Variants in MYBPC1 observed in about 807,000 individuals in gnomAD.
MYBPC1 encodes the protein myosin binding protein C1, also known as myosin-binding protein C, slow-type.
MYBPC1 carries 52 observed loss-of-function variants against 147.1 expected under a neutral mutation model. The ratio of observed to expected loss-of-function variants is 0.35; its 90% confidence interval spans 0.28 to 0.45. The LOEUF (loss-of-function observed/expected upper bound fraction) is 0.45. Ranked by LOEUF, MYBPC1 falls within the 20% of genes least tolerant of loss-of-function variation. The pLI is 1.00. For missense variants in MYBPC1, 1,228 were observed against 1,440.3 expected, an observed-to-expected ratio of 0.85 and a Z score of 2.39; for synonymous variants, 477 against 475.9, an observed-to-expected ratio of 1.00 and a Z score of -0.03.
chr12:101,598,446 A>G (rs551616647), intron 1 of MYBPC1, among the ~76,000 whole-genome samples: 6 of 152,316 alleles, frequency 3.9e-5, no homozygotes, highest in African/African-American at 1.2e-4. Context: ...AATAGTATGA[A>G]TGGCTGTTAA....
downstream of MYBPC1, among the ~76,000 whole-genome samples, chr12:101,687,774 G>A (rs896259030): frequency 6.6e-6 from 1 of 152,192 alleles, no homozygotes; most frequent in Admixed American, 6.5e-5. Context: ...CCAAGACATT[G>A]GCCAAGCTAG....
chr12:101,609,985 C>T (rs980128128), intron 1 of MYBPC1, among the ~76,000 whole-genome samples: 5 of 152,114 alleles, frequency 3.3e-5, no homozygotes, highest in South Asian at 2.1e-4. Context: ...TTTAGAGAAG[C>T]GGGCAAAGCT....
At position 101,632,176 on chromosome 12, in the gene MYBPC1, T is replaced by C. The variant is rs747877011; in HGVS notation, c.556+38T>C. The C allele has an allele frequency of 5.8e-6, 8 of 1,377,840 alleles. No homozygotes were observed. The South Asian group carries it at 6.9e-5, about 12-fold the overall frequency. 85.4% of individuals were successfully genotyped at this position (1,377,840 alleles called of 1,614,324 possible). The stretch of plus-strand genomic sequence containing the variant: ...TCTTGCCTAGATAAATGTAATTTTT[T>C]AATGGGGTGTGAGGGGATGGAGAAG... On this transcript the variant is annotated intron_variant, in intron 8 of 31. Coordinates refer to ENST00000361466, the MANE Select transcript of MYBPC1 (RefSeq NM_002465.4).
chr12:101,633,202 T>C (rs1327695081), intron 8 of MYBPC1, among the ~76,000 whole-genome samples: 3 of 152,036 alleles, frequency 2.0e-5, no homozygotes, highest in African/African-American at 7.2e-5. Flanking sequence ...ACCAGGAAGA[T>C]GAAGAATCCA....
At chr12:101,639,053 C>T (rs2136144698) in intron 10 of MYBPC1, among the ~76,000 whole-genome samples, 1 of 152,278 alleles carries the variant, frequency 6.6e-6, no homozygotes, top group Non-Finnish European at 1.5e-5. Context: ...ACCAACATCT[C>T]TGTACAACGA....
chr12:101,626,113 T>A (rs866095), intron 3 of MYBPC1, among the ~76,000 whole-genome samples: 12,024 of 102,684 alleles, frequency 0.12, 905 homozygotes, highest in East Asian at 0.25. Context: ...AAAAAAAAAA[T>A]TTATCCTTCT....
chr12:101,662,444 A>G lies in MYBPC1; in HGVS notation c.2119A>G (p.Lys707Glu). The change falls in exon 21 of 32, where the codon AAG (lysine) becomes GAG (glutamate). Residue 707 changes from lysine to glutamate, a missense_variant. Transcript: ENST00000361466. ...DLCKETTFEP[K>E]KMIEGVAYEV... ...CTGCAAAGAAACAACTTTTGAGCCCAAGAAGATGATTGAAGGTGTGGCCTA... is the reference window on the plus strand; with the variant it reads ...CTGCAAAGAAACAACTTTTGAGCCCGAGAAGATGATTGAAGGTGTGGCCTA... The G allele has an allele frequency of 1.2e-6, 2 of 1,614,262 alleles. No homozygotes were observed. The highest frequency in any genetic ancestry group is 1.7e-6 in the Non-Finnish European group (2 of 1,180,044).
At chr12:101,675,547 T>C in intron 26 of MYBPC1, 116 bp downstream of exon 26, 1 of 1,468,290 alleles carries the variant, frequency 6.8e-7, no homozygotes, top group Non-Finnish European at 9.5e-7. Context: ...GGAGAAGTGA[T>C]GTGGCAGAGC....
intron 22 of MYBPC1, among the ~76,000 whole-genome samples, chr12:101,665,869 C>A (rs886797613): frequency 4.6e-5 from 7 of 152,186 alleles, no homozygotes; most frequent in African/African-American, 1.7e-4. Context: ...AAAGATGTAT[C>A]TCTTTTTCAA....
rs1294477088 is a variant in MYBPC1 at position 101,670,428 on chromosome 12, C to A, written c.2613+19C>A. 6.3e-7 allele frequency: 1 copy of A among 1,589,498 alleles called. No individual in the cohort carries two copies. Among genetic ancestry groups the A allele is most frequent in the African/African-American group, 1.3e-5 (1 of 74,368 alleles). On this transcript the variant is annotated intron_variant, in intron 24 of 31. Coordinates refer to ENST00000361466, the MANE Select transcript of MYBPC1 (RefSeq NM_002465.4). ...TTTCCAGGTAAGAGTTCAAGGGTCG[C>A]TCTTTTTCTCTTTAGAGGGCTGGAT...
rs767752723 is a variant in MYBPC1, at chr12:101,631,770, T to C, written c.438+51T>C. On this transcript the variant is annotated intron_variant, in intron 7 of 31. Transcript: ENST00000361466. ...GCGCTCAGCTAGCGCATTCCTTCTA[T>C]GTGAATAAATGATTATTTTCAGGTT... The C allele has an allele frequency of 2.5e-5, 40 of 1,610,488 alleles. No homozygotes were observed. In the South Asian group the frequency reaches 4.2e-4, roughly 17 times the overall value.
At chr12:101,694,032 AAATGG>A in the MYBPC1 span, among the ~76,000 whole-genome samples, 1 of 152,212 alleles carries the variant, frequency 6.6e-6, no homozygotes, top group African/African-American at 2.4e-5. Flanking sequence ...CAGACTAATA[AAATGG>A]AAGAAGTCTG....
At chr12:101,657,250 A>G (rs2136370886) in intron 18 of MYBPC1, among the ~76,000 whole-genome samples, 1 of 152,288 alleles carries the variant, frequency 6.6e-6, no homozygotes, top group South Asian at 2.1e-4. Flanking sequence ...GCATATATTT[A>G]AAAATAAGAA....
Position 101,667,728 on chromosome 12 carries a change from T to A in MYBPC1, c.2357-4T>A. ...TTCTTTTCCTTTTCTTTTACGGACTTCAGCTGAGGACTGGATAGTTGCAAA... is the reference window on the plus strand; with the variant it reads ...TTCTTTTCCTTTTCTTTTACGGACTACAGCTGAGGACTGGATAGTTGCAAA... On this transcript the variant is annotated splice_region_variant and splice_polypyrimidine_tract_variant and intron_variant, in intron 22 of 31. Coordinates refer to ENST00000361466, the MANE Select transcript of MYBPC1 (RefSeq NM_002465.4). The A allele has an allele frequency of 1.2e-6, 2 of 1,614,168 alleles. No homozygotes were observed. Among genetic ancestry groups the A allele is most frequent in the Non-Finnish European group, 1.7e-6 (2 of 1,180,026 alleles).
intron 6 of MYBPC1, 27 bp downstream of exon 6, chr12:101,629,571 T>C (rs1055323141): frequency 4.5e-6 from 7 of 1,546,358 alleles, no homozygotes; most frequent in Non-Finnish European, 6.3e-6. Flanking sequence ...CAATCCTTCC[T>C]TTTTTAAAAA....
Position 101,685,800 on chromosome 12 carries a change from A to G in MYBPC1, c.*238A>G. 1.6e-6 allele frequency: 1 copy of G among 625,438 alleles called. No homozygotes were observed. Among genetic ancestry groups the G allele is most frequent in the Non-Finnish European group, 2.5e-6 (1 of 401,752 alleles). The allele number at this position is 625,438 out of a possible 1,614,324, so 38.7% of individuals were successfully genotyped here. Reference sequence around the variant, plus strand: ...AAGTGTGGTCTTTTTCTTTCCTCCTAATGTTGAAGAGAAAAAAAAAAAAAA... The same window carrying G: ...AAGTGTGGTCTTTTTCTTTCCTCCTGATGTTGAAGAGAAAAAAAAAAAAAA... On this transcript the variant is annotated 3_prime_UTR_variant, in exon 32 of 32. Coordinates refer to ENST00000361466, the MANE Select transcript of MYBPC1 (RefSeq NM_002465.4).
Position 101,600,436 on chromosome 12 carries a change from T to C in MYBPC1, c.25+5341T>C, listed in dbSNP as rs1319954267. 3 of 152,308 alleles carry C rather than the reference T, an allele frequency of 2.0e-5. No homozygotes were observed. In the East Asian group the frequency reaches 5.8e-4, roughly 29 times the overall value. 9.4% of individuals were successfully genotyped at this position (152,308 alleles called of 1,614,324 possible). ...GACTGAAGTTGCTTTTAAAAAATGC[T>C]TGGACACAAAAACAAATAAATAAGT... On this transcript the variant is annotated intron_variant, in intron 1 of 31. Transcript: ENST00000361466.
At chr12:101,619,546 C>A (rs1417407081) in intron 3 of MYBPC1, among the ~76,000 whole-genome samples, 20 of 152,152 alleles carry the variant, frequency 1.3e-4, no homozygotes, top group African/African-American at 4.8e-5. Context: ...AGCTGCTGAC[C>A]ATTCAATGGT....
At chr12:101,626,013 G>C (rs910371469) in intron 3 of MYBPC1, among the ~76,000 whole-genome samples, 2 of 150,064 alleles carry the variant, frequency 1.3e-5, no homozygotes, top group African/African-American at 4.9e-5. Flanking sequence ...GCTTGAACCC[G>C]GGAGGCGGAG....
Sources: gnomAD v4.1 joint callset for allele counts (sites outside exome capture counted in the v4.1 genomes callset) on GRCh38, gnomAD v4.1.1 for gene constraint, MANE v1.5 for transcripts, NCBI Gene and HGNC (gene_info 2026-07-23, HGNC 2026-07-21) for gene names.